The following GYPE variants were observed in gnomAD, a reference collection of about 807,000 sequenced individuals.
GYPE encodes glycophorin E (MNS blood group).
In GYPE, 8 loss-of-function variants were observed where a neutral mutation model predicts 11.6. The ratio of observed to expected loss-of-function variants is 0.69; its 90% CI spans 0.41 to 1.25. GYPE has a LOEUF of 1.25. Ranked by LOEUF, GYPE falls within the 50% of genes most tolerant of loss-of-function variation. The pLI is 0.01. For missense variants in GYPE, 90 were observed against 92.8 expected, an observed-to-expected ratio of 0.97 and a Z score of 0.12; for synonymous variants, 28 against 29.6, an observed-to-expected ratio of 0.94 and a Z score of 0.18.
chr4:143,897,243 T>C (rs1474147822), intron 1 of GYPE, among the ~76,000 whole-genome samples: 2 of 152,164 alleles, frequency 1.3e-5, no homozygotes, highest in East Asian at 1.9e-4. Context: ...GCAGGAGGAT[T>C]GCTTGAGGCC....
At chr4:143,879,447 T>C (rs1743937774) in intron 2 of GYPE, among the ~76,000 whole-genome samples, 1 of 152,202 alleles carries the variant, frequency 6.6e-6, no homozygotes, top group Non-Finnish European at 1.5e-5. Context: ...TCCTTCTCTT[T>C]CTTGGTTACA....
chr4:143,872,613 T>C (rs1743654834), intron 3 of GYPE, among the ~76,000 whole-genome samples: 1 of 152,076 alleles, frequency 6.6e-6, no homozygotes, highest in African/African-American at 2.4e-5. Flanking sequence ...TTTCATTCAA[T>C]GAAATTTTAC....
intron 1 of GYPE, among the ~76,000 whole-genome samples, chr4:143,891,095 A>T (rs1202533188): frequency 1.3e-5 from 2 of 152,060 alleles, no homozygotes; most frequent in South Asian, 4.2e-4. Flanking sequence ...TCTTATGTAA[A>T]GGGAGAGGGA....
At chr4:143,878,010 G>A (rs1348485273) in intron 2 of GYPE, among the ~76,000 whole-genome samples, 3 of 149,914 alleles carry the variant, frequency 2.0e-5, no homozygotes, top group East Asian at 3.9e-4. Context: ...TGTTTTATAA[G>A]CTCTTATGAG....
intron 1 of GYPE, among the ~76,000 whole-genome samples, chr4:143,887,708 CA>C: frequency 6.6e-6 from 1 of 150,696 alleles, no homozygotes; most frequent in Non-Finnish European, 1.5e-5. Flanking sequence ...GCAAATCTCT[CA>C]GATTGATAAG....
chr4:143,898,645 A>C (rs1183753219), intron 1 of GYPE, among the ~76,000 whole-genome samples: 4 of 152,276 alleles, frequency 2.6e-5, no homozygotes, highest in Non-Finnish European at 5.9e-5. Context: ...TAGATCAAGA[A>C]AGCAAAAAAC....
At chr4:143,876,127 A>C (rs1478361024) in intron 3 of GYPE, among the ~76,000 whole-genome samples, 1 of 152,046 alleles carries the variant, frequency 6.6e-6, no homozygotes, top group Non-Finnish European at 1.5e-5. Context: ...ATTTATTTAT[A>C]TATTTATTGA....
At chr4:143,898,337 A>C (rs1221845967) in intron 1 of GYPE, among the ~76,000 whole-genome samples, 1 of 152,220 alleles carries the variant, frequency 6.6e-6, no homozygotes, top group African/African-American at 2.4e-5. Flanking sequence ...AGATCGTGCC[A>C]CTGCACTCCA....
intron 1 of GYPE, among the ~76,000 whole-genome samples, chr4:143,900,996 A>G (rs1163376180): frequency 6.6e-6 from 1 of 152,218 alleles, no homozygotes; most frequent in South Asian, 2.1e-4. Context: ...TTTTACTACA[A>G]TTTTAAAAAT....
chr4:143,896,739 A>G (rs1744660740), intron 1 of GYPE, among the ~76,000 whole-genome samples: 1 of 152,218 alleles, frequency 6.6e-6, no homozygotes, highest in Non-Finnish European at 1.5e-5. Context: ...TCACAATAGC[A>G]GAGACTTGGA....
chr4:143,885,235 G>A (rs1240717221), intron 1 of GYPE, among the ~76,000 whole-genome samples: 3 of 152,040 alleles, frequency 2.0e-5, no homozygotes, highest in Non-Finnish European at 4.4e-5. Context: ...CTTAAAATTG[G>A]CACTTTAATT....
intron 1 of GYPE, among the ~76,000 whole-genome samples, chr4:143,901,943 C>G (rs1335935279): frequency 2.0e-5 from 3 of 152,002 alleles, no homozygotes; most frequent in Non-Finnish European, 2.9e-5. Flanking sequence ...CTATTTCACA[C>G]CAAGCTAAAG....
chr4:143,893,947 C>A (rs1406211944), intron 1 of GYPE, among the ~76,000 whole-genome samples: 1 of 152,160 alleles, frequency 6.6e-6, no homozygotes, highest in African/African-American at 2.4e-5. Flanking sequence ...TTCAGGTACA[C>A]CAATAAGATG....
chr4:143,879,452 G>A (rs780038038), intron 2 of GYPE, among the ~76,000 whole-genome samples: 1 of 152,038 alleles, frequency 6.6e-6, no homozygotes, highest in Non-Finnish European at 1.5e-5. Flanking sequence ...CTCTTTCTTG[G>A]TTACAGTTAA....
At chr4:143,903,539 A>AG (rs201264699) in intron 1 of GYPE, among the ~76,000 whole-genome samples, 2,142 of 148,036 alleles carry the variant, frequency 0.014, 67 homozygotes, top group African/African-American at 0.052. Flanking sequence ...AAAAAAAAAA[A>AG]AAAGAAAAAA....
intron 2 of GYPE, among the ~76,000 whole-genome samples, chr4:143,878,076 A>G (rs931780067): frequency 6.7e-6 from 1 of 149,630 alleles, no homozygotes; most frequent in African/African-American, 2.4e-5. Flanking sequence ...ACTTAAGAGA[A>G]AAACTATTAC....
intron 2 of GYPE, among the ~76,000 whole-genome samples, chr4:143,880,165 G>A (rs4054581): frequency 2.6e-5 from 4 of 152,118 alleles, no homozygotes; most frequent in South Asian, 2.1e-4. Flanking sequence ...TCATGGTCAC[G>A]TGCATCATTT....
At chr4:143,878,726 G>GA (rs1743906534) in intron 2 of GYPE, 1 of 468,022 alleles carries the variant, frequency 2.1e-6, no homozygotes, top group Non-Finnish European at 4.4e-6. Context: ...GACGTGCAAA[G>GA]AAAAAAATCA....
chr4:143,876,093 G>T (rs1743797458), intron 3 of GYPE, among the ~76,000 whole-genome samples: 1 of 151,936 alleles, frequency 6.6e-6, no homozygotes. Context: ...AAAGGCAAAA[G>T]GTTTATTTTG....
Sources: allele counts gnomAD v4.1 joint callset (sites outside exome capture counted in the v4.1 genomes callset), GRCh38; gene constraint gnomAD v4.1.1; transcripts MANE v1.5; gene names NCBI Gene and HGNC (gene_info 2026-07-23, HGNC 2026-07-21).